Variants in CPZ observed in about 807,000 individuals in gnomAD.
CPZ encodes the protein VEZT/CPZ fusion.
A neutral mutation model predicts 61.8 loss-of-function variants in CPZ; 103 were observed. The ratio of observed to expected loss-of-function variants is 1.67; its 90% CI spans 1.42 to 1.96. CPZ has a LOEUF of 1.96. CPZ is among the 30% of genes most tolerant of loss of function. The pLI is 0.00. For missense variants in CPZ, 1,461 were observed against 914.9 expected (o/e 1.60, Z -7.70); for synonymous variants, 551 against 373.7 (o/e 1.47, Z -5.47).
chr4:8,606,451 G>T (rs1318097776), intron 5 of CPZ, among the ~76,000 whole-genome samples: 2 of 152,150 alleles, frequency 1.3e-5, no homozygotes, highest in African/African-American at 4.8e-5. Flanking sequence ...TGTCAGCGGG[G>T]GGTCAGGGTA....
At chr4:8,611,533 A>C (rs1003831360) in intron 7 of CPZ, among the ~76,000 whole-genome samples, 1 of 152,130 alleles carries the variant, frequency 6.6e-6, no homozygotes, top group Admixed American at 6.5e-5. Context: ...CCAGCCTCTG[A>C]TGGTGCTGGT....
chr4:8,618,351 GT>G, intron 9 of CPZ, 77 bp from the exon 10 acceptor site: 2 of 1,389,252 alleles, frequency 1.4e-6, no homozygotes, highest in South Asian at 1.2e-5. Context: ...TGAGGAGCAT[GT>G]GGGGAACGAG....
chr4:8,609,062 C>CA (rs1560297714), intron 7 of CPZ, among the ~76,000 whole-genome samples: 18,433 of 129,718 alleles, frequency 0.14, 2,174 homozygotes, highest in South Asian at 0.26. Flanking sequence ...CTCCCTCACT[C>CA]CCTCACTCAC....
At chr4:8,598,502 C>G (rs1331787833) in intron 1 of CPZ, among the ~76,000 whole-genome samples, 1 of 152,202 alleles carries the variant, frequency 6.6e-6, no homozygotes, top group Admixed American at 6.5e-5. Flanking sequence ...CCTGCTTGCC[C>G]CCTTCTCCCT....
Sources: gnomAD v4.1 joint callset for allele counts (sites outside exome capture counted in the v4.1 genomes callset) on GRCh38, gnomAD v4.1.1 for gene constraint, MANE v1.5 for transcripts, NCBI Gene and HGNC (gene_info 2026-07-23, HGNC 2026-07-21) for gene names.